The following ADGB variants were observed in gnomAD, a reference collection of about 807,000 sequenced individuals.
The protein encoded by ADGB is androglobin.
In ADGB, 172 loss-of-function variants were observed where a neutral mutation model predicts 210.5. The ratio of observed to expected loss-of-function variants is 0.82; its 90% CI spans 0.72 to 0.93. The LOEUF (loss-of-function observed/expected upper bound fraction) is 0.93. Among genes scored for constraint, ADGB ranks in the 40% least tolerant of loss-of-function variants. The pLI is 0.00. For missense variants in ADGB, 2,025 were observed against 1,964.8 expected, an observed-to-expected ratio of 1.03 and a Z score of -0.58; for synonymous variants, 658 against 662.7, an observed-to-expected ratio of 0.99 and a Z score of 0.11.
Position 146,603,531 on chromosome 6 carries a change from C to T in ADGB, c.74+4417C>T, listed in dbSNP as rs377061900. ...AAAATTTTTTTCACTTCCAAAAGGA[C>T]ATTCAAACCAAGATTGAAAAACAGG... is the stretch of plus-strand genomic sequence containing the variant. On this transcript the variant is annotated intron_variant, in intron 1 of 35. Coordinates refer to ENST00000397944, the MANE Select transcript of ADGB (RefSeq NM_024694.4). Among the ~76,000 whole-genome samples, 56 of 152,252 alleles carry T rather than the reference C, an allele frequency of 3.7e-4. No homozygotes were observed. The East Asian group carries it at 9.8e-3, about 27-fold the overall frequency.
At chr6:146,627,800 C>T (rs1038897615) in intron 1 of ADGB, among the ~76,000 whole-genome samples, 3 of 152,110 alleles carry the variant, frequency 2.0e-5, no homozygotes, top group African/African-American at 7.2e-5. Flanking sequence ...TGCTGTCCCC[C>T]AAACACTCAT....
intron 1 of ADGB, 147 bp downstream of exon 1, chr6:146,599,261 C>A: frequency 1.4e-6 from 1 of 725,994 alleles, no homozygotes; most frequent in Non-Finnish European, 2.4e-6. Flanking sequence ...AAACCAGATC[C>A]TGGAGGTGCT....
intron 22 of ADGB, 60 bp from the exon 23 acceptor site, chr6:146,736,438 C>G: frequency 1.8e-6 from 2 of 1,096,866 alleles, no homozygotes; most frequent in Non-Finnish European, 2.6e-6. Context: ...AGGCTTTGGA[C>G]AAGATGATCT....
In ADGB at chr6:146,716,884, C is replaced by A. The variant is rs1554238420; in HGVS notation, c.1743C>A (p.Gly581=). ...GTGTTTGACATGTGTGTCTTCTAGG[C>A]ACAGATGAACAAACAGACTTTGGAT... ...NTASQVILGK[G]TDEQTDFGLG... Residue 581 remains glycine (G), a splice_region_variant and synonymous_variant, in exon 15 of 36, where the codon GGC becomes GGA. Coordinates refer to ENST00000397944, the MANE Select transcript of ADGB (RefSeq NM_024694.4). The A allele has an allele frequency of 1.3e-6, 2 of 1,545,942 alleles. No homozygotes were observed. Among genetic ancestry groups the A allele is most frequent in the South Asian group, 2.4e-5 (2 of 82,930 alleles).
At chr6:146,614,223 T>TCCTTCCTTCCTTCCTTCCTCCCTTCCTC (rs1780756701) in intron 1 of ADGB, among the ~76,000 whole-genome samples, 1 of 29,202 alleles carries the variant, frequency 3.4e-5, no homozygotes, top group South Asian at 1.2e-3. Flanking sequence ...CTTCCTCCCT[T>TCCTTCCTTCCTTCCTTCCTCCCTTCCTC]CCTTCCTTCC....
chr6:146,736,673 G>A, intron 23 of ADGB, 82 bp downstream of exon 23: 3 of 833,512 alleles, frequency 3.6e-6, no homozygotes, highest in Non-Finnish European at 5.5e-6. Flanking sequence ...TATTTGTTGA[G>A]AGCGCCCCAG....
chr6:146,741,378 G>C, intron 25 of ADGB, 107 bp downstream of exon 25: 1 of 949,716 alleles, frequency 1.1e-6, no homozygotes, highest in East Asian at 2.8e-5. Flanking sequence ...CTACTTAACA[G>C]ACAAATAAGG....
intron 29 of ADGB, among the ~76,000 whole-genome samples, chr6:146,775,276 A>T (rs1194110345): frequency 6.6e-6 from 1 of 152,138 alleles, no homozygotes; most frequent in Non-Finnish European, 1.5e-5. Flanking sequence ...TCAAAAATTC[A>T]TGTCTTTATA....
intron 31 of ADGB, 70 bp downstream of exon 31, chr6:146,784,864 T>C: frequency 1.4e-6 from 2 of 1,450,698 alleles, no homozygotes; most frequent in Non-Finnish European, 1.8e-6. Flanking sequence ...AAAATAGTCA[T>C]GCTGGTAAAA....
At chr6:146,733,060 A>G in intron 20 of ADGB, 60 bp from the exon 21 acceptor site, 1 of 1,237,090 alleles carries the variant, frequency 8.1e-7, no homozygotes, top group Non-Finnish European at 1.1e-6. Flanking sequence ...AAAATTTTTT[A>G]GAGCTTCTCT....
At chr6:146,732,690 T>A (rs1777010981) in intron 20 of ADGB, among the ~76,000 whole-genome samples, 2 of 152,182 alleles carry the variant, frequency 1.3e-5, no homozygotes, top group Non-Finnish European at 1.5e-5. Context: ...AGGTTAGTAC[T>A]ACTATTAAGT....
At chr6:146,803,921 C>A in intron 35 of ADGB, 1 of 272,976 alleles carries the variant, frequency 3.7e-6, no homozygotes. Context: ...ACAGAATCCC[C>A]AAAAAGGCTT....
intron 8 of ADGB, among the ~76,000 whole-genome samples, chr6:146,675,330 C>G (rs1162447059): frequency 6.6e-6 from 1 of 152,028 alleles, no homozygotes; most frequent in East Asian, 1.9e-4. Flanking sequence ...GAAAAATTAG[C>G]AAGTTGTGGT....
intron 32 of ADGB, among the ~76,000 whole-genome samples, chr6:146,786,833 A>G (rs755568449): frequency 4.6e-5 from 7 of 152,134 alleles, no homozygotes; most frequent in Non-Finnish European, 1.0e-4. Context: ...GTTTTAATGT[A>G]TGTGTATAAA....
Position 146,763,974 on chromosome 6 carries a change from T to A in ADGB, c.3624T>A (p.Ala1208=). 6.4e-7 allele frequency: 1 copy of A among 1,551,548 alleles called. No homozygotes were observed. Among genetic ancestry groups the A allele is most frequent in the Non-Finnish European group, 8.7e-7 (1 of 1,146,890 alleles). Residue 1208 remains alanine (A), a synonymous_variant, in exon 28 of 36, where the codon GCT becomes GCA. Coordinates refer to ENST00000397944, the MANE Select transcript of ADGB (RefSeq NM_024694.4). ...AAGTGTATGTTAAGAAGAAAGCTGC[T>A]CAGGGAATTCAGAAATCCCCCAAGG... ...EQEVYVKKKA[A]QGIQKSPKGR... is the part of the protein sequence containing the mutation.
At position 146,788,593 on chromosome 6, in the gene ADGB, C is replaced by T; in HGVS notation, c.4520C>T (p.Thr1507Ile). 1 of 1,551,504 alleles carries T rather than the reference C, an allele frequency of 6.4e-7. No individual in the cohort carries two copies. The highest frequency in any genetic ancestry group is 8.7e-7 in the Non-Finnish European group (1 of 1,146,860). The change falls in exon 33 of 36, where the codon ACA becomes ATA. Residue 1507 changes from threonine to isoleucine, a missense_variant. By Grantham distance (89) the Thr-to-Ile change is moderately conservative. Coordinates refer to ENST00000397944, the MANE Select transcript of ADGB (RefSeq NM_024694.4). ...SPGKEEREQS[T>I]RKENIQTGPR... is the part of the protein sequence containing the mutation. ...GGGAAAGAAGAGCGCGAGCAGAGCA[C>T]ACGGAAGGAAAACATTCGTAAGTAT... is the stretch of plus-strand genomic sequence containing the variant.
At chr6:146,621,967 A>G (rs890693274) in intron 1 of ADGB, among the ~76,000 whole-genome samples, 4 of 152,100 alleles carry the variant, frequency 2.6e-5, no homozygotes, top group African/African-American at 4.8e-5. Flanking sequence ...AAACTATTGG[A>G]CCATTTTGCA....
intron 33 of ADGB, among the ~76,000 whole-genome samples, chr6:146,793,957 C>A (rs1191283306): frequency 6.6e-6 from 1 of 152,190 alleles, no homozygotes; most frequent in Non-Finnish European, 1.5e-5. Context: ...TTATTTCTTG[C>A]AAACTGTCTG....
intron 29 of ADGB, among the ~76,000 whole-genome samples, chr6:146,774,883 G>A (rs1247945757): frequency 2.0e-5 from 3 of 151,836 alleles, no homozygotes; most frequent in Non-Finnish European, 2.9e-5. Flanking sequence ...AGGGATTCTC[G>A]TGCCTCACCC....
Sources: allele counts gnomAD v4.1 joint callset (sites outside exome capture counted in the v4.1 genomes callset), GRCh38; gene constraint gnomAD v4.1.1; transcripts MANE v1.5; gene names NCBI Gene and HGNC (gene_info 2026-07-23, HGNC 2026-07-21).